Variants in CDC42BPA observed in about 807,000 individuals in gnomAD.
CDC42BPA encodes the protein CDC42 binding protein kinase alpha.
CDC42BPA carries 80 observed loss-of-function variants against 223.5 expected under a neutral mutation model. The ratio of observed to expected loss-of-function variants is 0.36; its 90% CI spans 0.30 to 0.43. The LOEUF (loss-of-function observed/expected upper bound fraction) is 0.43, where lower values mean the gene tolerates loss of function less well. Among genes scored for constraint, CDC42BPA ranks in the 20% least tolerant of loss-of-function variants. The probability of loss-of-function intolerance (pLI) is 1.00; values close to 1 mark genes in which losing one functional copy is unlikely to be tolerated. For missense variants in CDC42BPA, 1,743 were observed against 2,099.9 expected, an observed-to-expected ratio of 0.83 and a Z score of 3.32; for synonymous variants, 694 against 718.6, an observed-to-expected ratio of 0.97 and a Z score of 0.55.
rs769299073 is a variant in CDC42BPA at position 227,303,004 on chromosome 1, TGG to T, written c.178+13999_178+14000del. ...ATAGTTTTATGTGATTTGGTTTTTT[TGG>T]GTTTTTTTTTTTTTTCGAAGTTATG... On this transcript the variant is annotated intron_variant, in intron 1 of 36. Transcript: ENST00000366766. 1.0e-4 allele frequency among the ~76,000 whole-genome samples: 14 copies of T among 135,046 alleles called. No homozygotes were observed. The South Asian group carries it at 2.7e-3, about 26-fold the overall frequency. 88.6% of individuals were successfully genotyped at this position (135,046 alleles called of 152,430 possible). A position where few individuals can be genotyped will look rare whatever the true frequency, so the allele number is the denominator to read the frequency against.
At chr1:227,048,713 T>C (rs558990633) in intron 22 of CDC42BPA, among the ~76,000 whole-genome samples, 15 of 131,246 alleles carry the variant, frequency 1.1e-4, no homozygotes, top group African/African-American at 3.5e-4. Context: ...GATGTTATTA[T>C]GGGGAAAAAA....
At chr1:227,260,013 T>C (rs1291769700) in intron 1 of CDC42BPA, among the ~76,000 whole-genome samples, 1 of 146,190 alleles carries the variant, frequency 6.8e-6, no homozygotes, top group Admixed American at 6.8e-5. Context: ...CCAAGTACCA[T>C]ACTAAGAACT....
intron 2 of CDC42BPA, among the ~76,000 whole-genome samples, chr1:227,221,496 C>T (rs1215572780): frequency 6.6e-6 from 1 of 152,154 alleles, no homozygotes; most frequent in Non-Finnish European, 1.5e-5. Flanking sequence ...TAACTTATCA[C>T]TAACATCCAA....
At chr1:227,112,268 G>A in intron 14 of CDC42BPA, 44 bp downstream of exon 14, 1 of 1,191,350 alleles carries the variant, frequency 8.4e-7, no homozygotes, top group East Asian at 2.4e-5. Flanking sequence ...AGCCTAAAGA[G>A]AAGAAAATCA....
chr1:227,112,402 A>T lies in CDC42BPA; in HGVS notation c.1911T>A (p.Ala637=). 6.2e-7 allele frequency: 1 copy of T among 1,602,916 alleles called. No individual in the cohort carries two copies. The highest frequency in any genetic ancestry group is 8.5e-7 in the Non-Finnish European group (1 of 1,174,968). The change falls in exon 14 of 37, where the codon GCT becomes GCA. Residue 637 remains alanine, a synonymous_variant. Coordinates refer to ENST00000366766, the MANE Select transcript of CDC42BPA (RefSeq NM_001394014.1). The part of the protein sequence containing the change: ...AKKELEVHTE[A]LAAEASKDRK... The stretch of plus-strand genomic sequence containing the variant: ...TGTCTTTAGATGCTTCAGCAGCTAG[A>T]GCTTCTGTATGAACTTCCAGCTTTA...
intron 20 of CDC42BPA, among the ~76,000 whole-genome samples, chr1:227,071,821 TC>T (rs1228982339): frequency 1.3e-5 from 2 of 148,646 alleles, no homozygotes; most frequent in Non-Finnish European, 3.0e-5. Context: ...ATTGCCACTG[TC>T]AGAGTGATAA....
chr1:227,297,631 A>C (rs915072563), intron 1 of CDC42BPA, among the ~76,000 whole-genome samples: 3 of 152,184 alleles, frequency 2.0e-5, no homozygotes, highest in African/African-American at 7.2e-5. Context: ...TCTGACACAT[A>C]ATGCCACATG....
chr1:227,121,003 G>A (rs975630921), intron 11 of CDC42BPA, among the ~76,000 whole-genome samples: 3 of 152,180 alleles, frequency 2.0e-5, no homozygotes, highest in African/African-American at 7.2e-5. Context: ...GGTCCCATGA[G>A]AATCTAATGC....
rs781723212 is a variant in CDC42BPA at position 227,029,061 on chromosome 1, T to C, written c.4028A>G (p.Lys1343Arg). 5 of 1,614,102 alleles carry C rather than the reference T, an allele frequency of 3.1e-6. No individual in the cohort carries two copies. In the Admixed American group the frequency reaches 6.7e-5, roughly 22 times the overall value. The change falls in exon 30 of 37, where the codon AAG becomes AGG. Residue 1343 changes from lysine to arginine, a missense_variant. Physicochemically the swap from Lys to Arg is conservative, Grantham distance 26 (BLOSUM62 2). Around this residue, in one of 6 missense-constraint regions of CDC42BPA, gnomAD observed 678 missense variants for 777.5 expected, o/e 0.87. Coordinates refer to ENST00000366766, the MANE Select transcript of CDC42BPA (RefSeq NM_001394014.1). ...GCATGTGAGAGCTCCATGGCGCACC[T>C]TTCCAGAAGTTACGGTTTGACACCC... ...TKGCQTVTSG[K>R]VRHGALTCLC...
rs150231694 is a variant in CDC42BPA, at chr1:227,136,653, A to T, written c.1390+2923T>A. 1.8e-4 allele frequency among the ~76,000 whole-genome samples: 28 copies of T among 152,352 alleles called. No homozygotes were observed. The East Asian group carries it at 3.7e-3, about 20-fold the overall frequency. ...TAATACTGAAAGCAGCCAGAAGGGA[A>T]AACATACACATTACATTCAAGAGCT... On this transcript the variant is annotated intron_variant, in intron 10 of 36. Coordinates refer to ENST00000366766, the MANE Select transcript of CDC42BPA (RefSeq NM_001394014.1).
At chr1:227,132,050 ACT>A (rs34708677) in intron 10 of CDC42BPA, among the ~76,000 whole-genome samples, 42,979 of 151,820 alleles carry the variant, frequency 0.28, 6,276 homozygotes, top group African/African-American at 0.35. Flanking sequence ...AGAGTGTGAA[ACT>A]CTCTCTCATG....
intron 2 of CDC42BPA, among the ~76,000 whole-genome samples, chr1:227,242,218 C>T (rs1680147958): frequency 6.6e-6 from 1 of 151,992 alleles, no homozygotes; most frequent in Non-Finnish European, 1.5e-5. Flanking sequence ...AAAGTTAGCT[C>T]CTATTAATGA....
intron 17 of CDC42BPA, among the ~76,000 whole-genome samples, chr1:227,077,443 A>C (rs759745833): frequency 5.3e-5 from 8 of 152,160 alleles, no homozygotes; most frequent in Non-Finnish European, 8.8e-5. Flanking sequence ...ATAAAGAGAG[A>C]CAAAGGTTTC....
At chr1:227,193,605 G>C (rs1209346727) in intron 5 of CDC42BPA, 181 bp downstream of exon 5, 5 of 555,286 alleles carry the variant, frequency 9.0e-6, no homozygotes, top group Non-Finnish European at 1.6e-5. Context: ...CATCGGTTCT[G>C]TAATGCTGAC....
intron 12 of CDC42BPA, among the ~76,000 whole-genome samples, chr1:227,114,692 A>C (rs557481233): frequency 2.0e-4 from 31 of 152,300 alleles, no homozygotes; most frequent in African/African-American, 7.2e-4. Flanking sequence ...AATGTTTCAA[A>C]ATCCAAAACA....
chr1:227,299,540 TATA>T (rs1253822721), intron 1 of CDC42BPA, among the ~76,000 whole-genome samples: 1 of 152,176 alleles, frequency 6.6e-6, no homozygotes, highest in Non-Finnish European at 1.5e-5. Context: ...GCTGTAAATA[TATA>T]ATGTTATCTA....
chr1:227,145,766 T>C (rs758234433), intron 7 of CDC42BPA, 29 bp from the exon 8 acceptor site: 2 of 1,581,876 alleles, frequency 1.3e-6, no homozygotes, highest in East Asian at 2.3e-5. Context: ...AAACAAAATA[T>C]AAATCAGTGT....
At chr1:227,044,639 TG>T (rs1672047075) in intron 23 of CDC42BPA, among the ~76,000 whole-genome samples, 1 of 152,190 alleles carries the variant, frequency 6.6e-6, no homozygotes, top group South Asian at 2.1e-4. Context: ...TACAGTTTTT[TG>T]ATTTGAGACG....
intron 2 of CDC42BPA, among the ~76,000 whole-genome samples, chr1:227,214,007 G>C (rs527890165): frequency 6.6e-6 from 1 of 152,160 alleles, no homozygotes; most frequent in East Asian, 1.9e-4. Context: ...CCAGGCCATT[G>C]GACTTGCCAT....
Sources: gnomAD v4.1 joint callset for allele counts (sites outside exome capture counted in the v4.1 genomes callset) on GRCh38, gnomAD v4.1.1 for gene constraint, gnomAD v4.1.1 regional missense constraint, MANE v1.5 for transcripts, NCBI Gene and HGNC (gene_info 2026-07-23, HGNC 2026-07-21) for gene names.